Variants in CFAP299 observed in about 807,000 individuals in gnomAD.
The protein encoded by CFAP299 is cilia- and flagella-associated protein 299.
Under a neutral mutation model 27.0 loss-of-function variants are expected in CFAP299, and 21 were observed. The ratio of observed to expected loss-of-function variants is 0.78; its 90% CI spans 0.55 to 1.12. The LOEUF (loss-of-function observed/expected upper bound fraction) is 1.12, where lower values mean the gene tolerates loss of function less well. Among genes scored for constraint, CFAP299 ranks in the 50% most tolerant of loss-of-function variants. The pLI, the probability that CFAP299 is intolerant of heterozygous loss-of-function variation, is 0.00. For missense variants in CFAP299, 310 were observed against 276.6 expected, an observed-to-expected ratio of 1.12 and a Z score of -0.86; for synonymous variants, 104 against 98.1, an observed-to-expected ratio of 1.06 and a Z score of -0.36.
rs188712775 is a variant in CFAP299 at position 80,904,348 on chromosome 4, G to C, written c.476+34213G>C. ...GGAGTGCATATGAGCAAGTCAATGC[G>C]TGAGGCTTCCTGCAGTAGAAATACC... On this transcript the variant is annotated intron_variant, in intron 4 of 5. Transcript: ENST00000358105. Among the ~76,000 whole-genome samples, 3 of 152,236 alleles carry C rather than the reference G, an allele frequency of 2.0e-5. No individual in the cohort carries two copies. In the East Asian group the frequency reaches 5.8e-4, roughly 29 times the overall value.
At chr4:80,515,148 A>G (rs1385670643) in intron 2 of CFAP299, among the ~76,000 whole-genome samples, 2 of 152,190 alleles carry the variant, frequency 1.3e-5, no homozygotes, top group Non-Finnish European at 2.9e-5. Flanking sequence ...ACATTTTTAA[A>G]CCAAGCATCA....
rs555118562 is a variant in CFAP299 at position 80,879,421 on chromosome 4, A to AT, written c.476+9295dup. ...CTTAGGTCTCCTAATCCCTAGTCCA[A>AT]TTTTTTTTTAACATTCCAGCATGCT... On this transcript the variant is annotated intron_variant, in intron 4 of 5. Coordinates refer to ENST00000358105, the MANE Select transcript of CFAP299 (RefSeq NM_152770.3). Among the ~76,000 whole-genome samples the AT allele has an allele frequency of 1.8e-3, 279 of 151,204 alleles. 1 individual carries two copies. The highest frequency in any genetic ancestry group is 3.4e-3 in the Non-Finnish European group (229 of 67,678).
chr4:80,594,368 G>A (rs1287551439), intron 3 of CFAP299, among the ~76,000 whole-genome samples: 1 of 152,080 alleles, frequency 6.6e-6, no homozygotes, highest in African/African-American at 2.4e-5. Context: ...GGGGGAAACT[G>A]CCCCCATGAT....
At chr4:80,528,755 T>C (rs769545645) in intron 2 of CFAP299, among the ~76,000 whole-genome samples, 1 of 152,146 alleles carries the variant, frequency 6.6e-6, no homozygotes, top group Non-Finnish European at 1.5e-5. Flanking sequence ...ATTAAAATCA[T>C]GTTATTCTCT....
intron 3 of CFAP299, among the ~76,000 whole-genome samples, chr4:80,619,793 A>T (rs1373139685): frequency 6.6e-6 from 1 of 152,080 alleles, no homozygotes; most frequent in Admixed American, 6.6e-5. Flanking sequence ...ATAGACATAT[A>T]ATATATTGTG....
intron 3 of CFAP299, among the ~76,000 whole-genome samples, chr4:80,680,569 G>T (rs931336993): frequency 5.3e-5 from 8 of 152,136 alleles, no homozygotes; most frequent in Non-Finnish European, 1.0e-4. Context: ...AAGTAGAAGA[G>T]ATGCTCATCT....
At chr4:80,702,158 C>CT (rs1460134574) in intron 3 of CFAP299, among the ~76,000 whole-genome samples, 1 of 151,678 alleles carries the variant, frequency 6.6e-6, no homozygotes, top group Non-Finnish European at 1.5e-5. Context: ...AAAATCTCAG[C>CT]TTTTTAACAA....
intron 2 of CFAP299, among the ~76,000 whole-genome samples, chr4:80,562,771 C>T (rs961220687): frequency 6.6e-6 from 1 of 151,200 alleles, no homozygotes; most frequent in African/African-American, 2.4e-5. Context: ...ATTAAAAAAT[C>T]CAGACCCATT....
At position 80,507,269 on chromosome 4, in the gene CFAP299, A is replaced by G. The variant is rs1375597374; in HGVS notation, c.243-75824A>G. On this transcript the variant is annotated intron_variant, in intron 2 of 5. Transcript: ENST00000358105. Reference sequence around the variant, plus strand: ...ATGCCTGAAGGCACTGGTAACAGTGACATTTCAGAGTGACAAGCCCTGGAC... The same window carrying G: ...ATGCCTGAAGGCACTGGTAACAGTGGCATTTCAGAGTGACAAGCCCTGGAC... Among the ~76,000 whole-genome samples, 5 of 152,176 alleles carry G rather than the reference A, an allele frequency of 3.3e-5. No individual in the cohort carries two copies. The East Asian group carries it at 9.7e-4, about 29-fold the overall frequency.
intron 3 of CFAP299, among the ~76,000 whole-genome samples, chr4:80,660,252 A>G (rs1422485617): frequency 6.6e-6 from 1 of 152,174 alleles, no homozygotes; most frequent in Non-Finnish European, 1.5e-5. Flanking sequence ...TTCTCCAACA[A>G]ATCAATAGCA....
chr4:80,448,590 T>A, intron 2 of CFAP299, among the ~76,000 whole-genome samples: 1 of 152,140 alleles, frequency 6.6e-6, no homozygotes, highest in African/African-American at 2.4e-5. Context: ...AAGTTCTTTT[T>A]TCTTCTCTTA....
intron 3 of CFAP299, among the ~76,000 whole-genome samples, chr4:80,798,945 G>T (rs1728033816): frequency 1.3e-5 from 2 of 150,732 alleles, no homozygotes; most frequent in East Asian, 3.9e-4. Flanking sequence ...TAGCATTTTT[G>T]GGTCTAATCA....
chr4:80,647,586 C>G (rs144070496), intron 3 of CFAP299, among the ~76,000 whole-genome samples: 1 of 152,102 alleles, frequency 6.6e-6, no homozygotes, highest in Non-Finnish European at 1.5e-5. Context: ...TAAATGCTCC[C>G]CCTTAGTGGG....
intron 3 of CFAP299, among the ~76,000 whole-genome samples, chr4:80,857,153 T>C (rs1163335799): frequency 6.6e-6 from 1 of 152,222 alleles, no homozygotes; most frequent in Non-Finnish European, 1.5e-5. Context: ...GGTATTTTAT[T>C]CTCTTTGAAG....
chr4:80,801,712 A>G lies in CFAP299; in HGVS notation c.334-68281A>G, dbSNP rs78510439. 6.4e-3 allele frequency among the ~76,000 whole-genome samples: 967 copies of G among 152,220 alleles called. 2 individuals carry two copies. The highest frequency in any genetic ancestry group is 0.01 in the Middle Eastern group (3 of 294). On this transcript the variant is annotated intron_variant, in intron 3 of 5. Transcript: ENST00000358105. The stretch of plus-strand genomic sequence containing the variant: ...AAATTCTGTACAGTTAAGGGCATCA[A>G]TTGGGAAGAAAGATAAAGAAAAACA...
chr4:80,910,658 A>C lies in CFAP299; in HGVS notation c.477-34152A>C, dbSNP rs1350716632. Among the ~76,000 whole-genome samples the C allele has an allele frequency of 2.0e-5, 3 of 152,104 alleles. No individual in the cohort carries two copies. In the East Asian group the frequency reaches 5.8e-4, roughly 29 times the overall value. On this transcript the variant is annotated intron_variant, in intron 4 of 5. Coordinates refer to ENST00000358105, the MANE Select transcript of CFAP299 (RefSeq NM_152770.3). ...GGACACAAAGAGGACAACAATAGGC[A>C]CTAGGGGCTACCTGAGGGTAGAGGG...
intron 2 of CFAP299, among the ~76,000 whole-genome samples, chr4:80,484,393 C>T (rs931154054): frequency 2.0e-5 from 3 of 151,996 alleles, no homozygotes; most frequent in East Asian, 1.9e-4. Context: ...TTAGAAGTGC[C>T]GACTTTACAT....
Position 80,526,080 on chromosome 4 carries a change from A to G in CFAP299, c.243-57013A>G, listed in dbSNP as rs149718642. ...TTAAATATAAACTGGATCTAAAGTG[A>G]AAACAGTACATACATGCACTATTTA... On this transcript the variant is annotated intron_variant, in intron 2 of 5. Coordinates refer to ENST00000358105, the MANE Select transcript of CFAP299 (RefSeq NM_152770.3). 3.9e-5 allele frequency among the ~76,000 whole-genome samples: 6 copies of G among 152,264 alleles called. No individual in the cohort carries two copies. In the East Asian group the frequency reaches 1.2e-3, roughly 29 times the overall value.
chr4:80,727,894 AT>A (rs1723249754), intron 3 of CFAP299, among the ~76,000 whole-genome samples: 1 of 151,826 alleles, frequency 6.6e-6, no homozygotes, highest in Non-Finnish European at 1.5e-5. Flanking sequence ...TCATACTGTT[AT>A]GAAGTAATAA....
Sources: gnomAD v4.1 joint callset for allele counts (sites outside exome capture counted in the v4.1 genomes callset) on GRCh38, gnomAD v4.1.1 for gene constraint, MANE v1.5 for transcripts, NCBI Gene and HGNC (gene_info 2026-07-23, HGNC 2026-07-21) for gene names.